The following LRFN2 variants were observed in gnomAD, a reference collection of about 807,000 sequenced individuals.
The protein encoded by LRFN2 is leucine-rich repeat and fibronectin type-III domain-containing protein 2.
Under a neutral mutation model 37.3 loss-of-function variants are expected in LRFN2, and 18 were observed. The ratio of observed to expected loss-of-function variants is 0.48; its 90% CI spans 0.33 to 0.72. The LOEUF is 0.72. Ranked by LOEUF, LRFN2 falls within the 30% of genes least tolerant of loss-of-function variation. The probability of loss-of-function intolerance (pLI) is 0.02; values close to 1 mark genes in which losing one functional copy is unlikely to be tolerated. For missense variants in LRFN2, 1,006 were observed against 1,060.7 expected, an observed-to-expected ratio of 0.95 and a Z score of 0.72; for synonymous variants, 556 against 466.6, an observed-to-expected ratio of 1.19 and a Z score of -2.47.
intron 1 of LRFN2, among the ~76,000 whole-genome samples, chr6:40,500,916 AT>A (rs1354626150): frequency 7.0e-5 from 10 of 143,306 alleles, no homozygotes; most frequent in East Asian, 2.1e-4. Context: ...GGGTGGTGGT[AT>A]TTTTTTCCTT....
chr6:40,556,036 A>G (rs1766869294), intron 1 of LRFN2, among the ~76,000 whole-genome samples: 1 of 152,238 alleles, frequency 6.6e-6, no homozygotes, highest in Admixed American at 6.5e-5. Context: ...TGTTCCAGGC[A>G]CACGCCGACC....
At chr6:40,458,527 T>C (rs544820167) in intron 1 of LRFN2, among the ~76,000 whole-genome samples, 1 of 152,198 alleles carries the variant, frequency 6.6e-6, no homozygotes, top group Non-Finnish European at 1.5e-5. Flanking sequence ...CAGAGCAACA[T>C]AAAGTCTCAG....
intron 1 of LRFN2, among the ~76,000 whole-genome samples, chr6:40,555,190 G>A (rs559430084): frequency 1.3e-5 from 2 of 152,344 alleles, no homozygotes; most frequent in South Asian, 4.1e-4. Context: ...AGGGCAAGCT[G>A]TGAGGAGATG....
intron 1 of LRFN2, among the ~76,000 whole-genome samples, chr6:40,480,245 G>A (rs1469131241): frequency 2.0e-5 from 3 of 152,114 alleles, no homozygotes; most frequent in East Asian, 1.9e-4. Context: ...CCACTTGTCT[G>A]GCCAGGAGTT....
At chr6:40,435,052 T>TAGAGAGAGAGAG (rs1202054790) in intron 1 of LRFN2, among the ~76,000 whole-genome samples, 36 of 37,532 alleles carry the variant, frequency 9.6e-4, no homozygotes, top group Admixed American at 2.2e-3. Flanking sequence ...TATATATATA[T>TAGAGAGAGAGAG]AGAGAGAGAG....
intron 1 of LRFN2, among the ~76,000 whole-genome samples, chr6:40,438,439 C>T (rs1399939015): frequency 1.3e-5 from 2 of 152,154 alleles, no homozygotes; most frequent in Non-Finnish European, 1.5e-5. Context: ...GCAACTTGCC[C>T]CACCCTACCT....
At chr6:40,558,046 T>C (rs1038999489) in intron 1 of LRFN2, among the ~76,000 whole-genome samples, 1 of 152,164 alleles carries the variant, frequency 6.6e-6, no homozygotes, top group Non-Finnish European at 1.5e-5. Context: ...GGGTCCCTGA[T>C]GTGGTGCTCT....
At chr6:40,583,048 C>G (rs1034847360) in intron 1 of LRFN2, among the ~76,000 whole-genome samples, 1 of 152,120 alleles carries the variant, frequency 6.6e-6, no homozygotes, top group Non-Finnish European at 1.5e-5. Context: ...CTAACACTTA[C>G]CTCTGTTAAT....
At chr6:40,396,649 A>G (rs532237844) in intron 2 of LRFN2, among the ~76,000 whole-genome samples, 4 of 151,676 alleles carry the variant, frequency 2.6e-5, no homozygotes, top group Non-Finnish European at 5.9e-5. Flanking sequence ...TAGGATGAAG[A>G]GCAGAAAGGC....
chr6:40,548,081 C>T (rs1766697358), intron 1 of LRFN2, among the ~76,000 whole-genome samples: 2 of 152,120 alleles, frequency 1.3e-5, no homozygotes, highest in Admixed American at 1.3e-4. Flanking sequence ...ATTTGCCAGC[C>T]ATGTGACTTA....
At chr6:40,437,947 A>T (rs1763730875) in intron 1 of LRFN2, among the ~76,000 whole-genome samples, 1 of 152,222 alleles carries the variant, frequency 6.6e-6, no homozygotes, top group African/African-American at 2.4e-5. Context: ...TAGGACAAGG[A>T]ACAAAGAGAT....
At chr6:40,550,062 A>T (rs1766742199) in intron 1 of LRFN2, among the ~76,000 whole-genome samples, 3 of 152,084 alleles carry the variant, frequency 2.0e-5, no homozygotes, top group African/African-American at 7.2e-5. Context: ...AAAAATAAAT[A>T]AACTCTCTTA....
chr6:40,410,180 C>G (rs1406166385), intron 2 of LRFN2, among the ~76,000 whole-genome samples: 4 of 152,168 alleles, frequency 2.6e-5, no homozygotes, highest in Non-Finnish European at 5.9e-5. Context: ...GAGCCGTCCC[C>G]ACCCACCAGC....
In LRFN2 at chr6:40,392,513, C is replaced by T. The variant is rs749673103; in HGVS notation, c.1800G>A (p.Pro600=). 2.9e-5 allele frequency: 46 copies of T among 1,586,560 alleles called. No homozygotes were observed. Among genetic ancestry groups the T allele is most frequent in the Middle Eastern group, 1.7e-4 (1 of 6,036 alleles). The change falls in exon 3 of 3, where the codon CCG becomes CCA. Residue 600 remains proline, a synonymous_variant. Coordinates refer to ENST00000338305, the MANE Select transcript of LRFN2 (RefSeq NM_020737.3). This position sits in a 1 kb window ranked among gnomAD's most constrained non-coding sequence, Gnocchi z 4.7. ...GGAGCTCGTTGCGCACCACCACCTT[C>T]GGCGGGCCCTGCGGCGGGGCCCCGG... The part of the protein sequence containing the change: ...APAGAPPQGP[P]KVVVRNELLD...
chr6:40,586,866 C>T (rs967452569), intron 1 of LRFN2, 75 bp downstream of exon 1: 2 of 152,250 alleles, frequency 1.3e-5, no homozygotes, highest in African/African-American at 4.8e-5. Flanking sequence ...CCGGTTCCCT[C>T]GGGTGCGTTC....
rs1003178633 is a variant in LRFN2 at position 40,582,419 on chromosome 6, G to A, written c.-19+4522C>T. Among the ~76,000 whole-genome samples the A allele has an allele frequency of 4.6e-5, 7 of 151,916 alleles. No individual in the cohort carries two copies. The East Asian group carries it at 5.8e-4, about 13-fold the overall frequency. ...ATTGGAAGGTTGCCAGGGAGGCCCC[G>A]GCTCTCCTGCAGACAATCCCAAGCA... On this transcript the variant is annotated intron_variant, in intron 1 of 2. Transcript: ENST00000338305.
At chr6:40,401,329 A>G (rs1191897706) in intron 2 of LRFN2, among the ~76,000 whole-genome samples, 1 of 152,120 alleles carries the variant, frequency 6.6e-6, no homozygotes, top group African/African-American at 2.4e-5. Context: ...CATCTGTGCC[A>G]GATGATCTGT....
At chr6:40,516,342 A>G (rs1765872128) in intron 1 of LRFN2, 1 of 152,192 alleles carries the variant, frequency 6.6e-6, no homozygotes, top group Admixed American at 6.5e-5. Flanking sequence ...AGACTTTGTT[A>G]TTCTCTGCAA....
At chr6:40,398,998 T>C (rs905863533) in intron 2 of LRFN2, among the ~76,000 whole-genome samples, 5 of 151,898 alleles carry the variant, frequency 3.3e-5, no homozygotes, top group African/African-American at 1.2e-4. Flanking sequence ...CAGGCTCCCT[T>C]GTCTGTTCCC....
Sources: allele counts gnomAD v4.1 joint callset (sites outside exome capture counted in the v4.1 genomes callset), GRCh38; gene constraint gnomAD v4.1.1; non-coding constraint Gnocchi (gnomAD v3.1); transcripts MANE v1.5; gene names NCBI Gene and HGNC (gene_info 2026-07-23, HGNC 2026-07-21).